Variants in AGBL4 observed in about 807,000 individuals in gnomAD.
AGBL4 encodes cytosolic carboxypeptidase 6.
A neutral mutation model predicts 66.4 loss-of-function variants in AGBL4; 58 were observed. The ratio of observed to expected loss-of-function variants is 0.87; its 90% CI spans 0.71 to 1.09. AGBL4 has a LOEUF of 1.09. AGBL4 is among the 50% of genes least tolerant of loss of function. The pLI, the probability that AGBL4 is intolerant of heterozygous loss-of-function variation, is 0.00. For missense variants in AGBL4, 579 were observed against 631.0 expected (o/e 0.92, Z 0.88); for synonymous variants, 234 against 222.9 (o/e 1.05, Z -0.44).
chr1:49,370,897 C>T (rs919300701), intron 3 of AGBL4, among the ~76,000 whole-genome samples: 1 of 152,162 alleles, frequency 6.6e-6, no homozygotes, highest in African/African-American at 2.4e-5. Flanking sequence ...AGTCAGTGAA[C>T]TTTGCGTAGA....
chr1:48,731,538 A>G (rs942208180), intron 6 of AGBL4, among the ~76,000 whole-genome samples: 9 of 152,172 alleles, frequency 5.9e-5, no homozygotes, highest in Non-Finnish European at 8.8e-5. Context: ...CACCCACCCC[A>G]AAAGGTCAGA....
chr1:49,710,977 T>C (rs918074241), intron 2 of AGBL4, among the ~76,000 whole-genome samples: 5 of 152,094 alleles, frequency 3.3e-5, no homozygotes, highest in African/African-American at 9.6e-5. Context: ...ATATAAAATG[T>C]TACTACACAT....
At chr1:49,243,348 G>A (rs1178764403) in intron 4 of AGBL4, among the ~76,000 whole-genome samples, 1 of 151,678 alleles carries the variant, frequency 6.6e-6, no homozygotes, top group African/African-American at 2.4e-5. Context: ...CCTAAATTGG[G>A]ATAGACTCCT....
At chr1:49,280,981 G>C (rs915490449) in intron 3 of AGBL4, among the ~76,000 whole-genome samples, 2 of 152,094 alleles carry the variant, frequency 1.3e-5, no homozygotes, top group African/African-American at 4.8e-5. Context: ...AGTTTATTTG[G>C]CTTTAAGTTA....
chr1:48,776,715 G>C (rs1297732695), intron 6 of AGBL4: 2 of 1,524,872 alleles, frequency 1.3e-6, no homozygotes, highest in East Asian at 2.7e-5. Flanking sequence ...CCCGGTACAC[G>C]GCGTACACCT....
At chr1:49,020,129 G>A (rs1039108170) in intron 5 of AGBL4, among the ~76,000 whole-genome samples, 3 of 152,098 alleles carry the variant, frequency 2.0e-5, no homozygotes, top group Non-Finnish European at 2.9e-5. Flanking sequence ...GGTGTATCTC[G>A]GATTCAAATG....
intron 3 of AGBL4, among the ~76,000 whole-genome samples, chr1:49,622,628 C>CAAAAAAAAAAAAA (rs71059557): frequency 4.6e-5 from 3 of 65,484 alleles, no homozygotes; most frequent in African/African-American, 6.2e-5. Flanking sequence ...GACTCCGTCT[C>CAAAAAAAAAAAAA]AAAAAAAAAA....
intron 5 of AGBL4, among the ~76,000 whole-genome samples, chr1:48,920,331 T>A (rs973771570): frequency 6.6e-6 from 1 of 152,200 alleles, no homozygotes; most frequent in Non-Finnish European, 1.5e-5. Context: ...CAGGATTTCA[T>A]TCTCTAATTT....
intron 6 of AGBL4, among the ~76,000 whole-genome samples, chr1:48,846,401 G>GAAAGAAAGA (rs1553243656): frequency 4.9e-4 from 74 of 150,798 alleles, no homozygotes; most frequent in Non-Finnish European, 9.2e-4. Context: ...AAGAAAGAAA[G>GAAAGAAAGA]AAAGAAAGAA....
chr1:49,946,445 G>A (rs1376843655), intron 1 of AGBL4, among the ~76,000 whole-genome samples: 2 of 151,994 alleles, frequency 1.3e-5, no homozygotes, highest in Non-Finnish European at 2.9e-5. Context: ...GAAATAACCT[G>A]CTCCTGAATG....
rs551973087 is a variant in AGBL4, at chr1:49,759,476, A to T, written c.158-62039T>A. Among the ~76,000 whole-genome samples, 12 of 152,324 alleles carry T rather than the reference A, an allele frequency of 7.9e-5. No homozygotes were observed. The East Asian group carries it at 2.3e-3, about 29-fold the overall frequency. ...AACAGAACCTGGTATCCTGCATAAG[A>T]CCCTGAGACAGAAAATGTCCATTAC... On this transcript the variant is annotated intron_variant, in intron 2 of 13. Transcript: ENST00000371839.
At chr1:49,946,984 C>T (rs923025559) in intron 1 of AGBL4, among the ~76,000 whole-genome samples, 5 of 151,704 alleles carry the variant, frequency 3.3e-5, no homozygotes, top group Non-Finnish European at 7.4e-5. Flanking sequence ...TGGAAAGATA[C>T]AACCCTCTTA....
chr1:48,720,150 G>A (rs1457796249), intron 6 of AGBL4, among the ~76,000 whole-genome samples: 1 of 151,802 alleles, frequency 6.6e-6, no homozygotes, highest in Admixed American at 6.6e-5. Context: ...TACTGGCCCT[G>A]GGGACTCAGA....
chr1:48,965,146 T>C (rs1282704539), intron 5 of AGBL4, among the ~76,000 whole-genome samples: 4 of 152,178 alleles, frequency 2.6e-5, no homozygotes, highest in African/African-American at 9.7e-5. Context: ...TCTCAGGTTC[T>C]AAGATATAAA....
At chr1:49,292,193 C>T (rs1364411817) in intron 3 of AGBL4, among the ~76,000 whole-genome samples, 1 of 152,220 alleles carries the variant, frequency 6.6e-6, no homozygotes. Flanking sequence ...CCCCTGCCAC[C>T]TCAGCCCACT....
chr1:48,552,368 A>G (rs900219274), intron 11 of AGBL4, among the ~76,000 whole-genome samples: 2 of 152,146 alleles, frequency 1.3e-5, no homozygotes, highest in Admixed American at 6.6e-5. Flanking sequence ...AGCCTCATTC[A>G]TTATTTATTA....
At position 48,673,144 on chromosome 1, in the gene AGBL4, T is replaced by C. The variant is rs188539792; in HGVS notation, c.635-9903A>G. ...AGAGATGTTATTCTGTTTGTACTTA[T>C]GTGCAGGCACCTGCACACATCTGCG... On this transcript the variant is annotated intron_variant, in intron 6 of 13. Coordinates refer to ENST00000371839, the MANE Select transcript of AGBL4 (RefSeq NM_032785.4). 1.6e-3 allele frequency among the ~76,000 whole-genome samples: 238 copies of C among 152,330 alleles called. 1 individual carries two copies. The highest frequency in any genetic ancestry group is 5.0e-3 in the African/African-American group (206 of 41,576).
intron 2 of AGBL4, among the ~76,000 whole-genome samples, chr1:49,712,499 C>T (rs1485310974): frequency 1.3e-5 from 2 of 151,426 alleles, no homozygotes; most frequent in Non-Finnish European, 3.0e-5. Context: ...TAAAAAGTTG[C>T]AGTTATGTAG....
At chr1:48,862,145 G>A (rs1328998772) in intron 6 of AGBL4, among the ~76,000 whole-genome samples, 2 of 152,024 alleles carry the variant, frequency 1.3e-5, no homozygotes, top group Non-Finnish European at 2.9e-5. Context: ...TCTCCCACCT[G>A]GGGAGTTTTC....
Sources: allele counts gnomAD v4.1 joint callset (sites outside exome capture counted in the v4.1 genomes callset), GRCh38; gene constraint gnomAD v4.1.1; transcripts MANE v1.5; gene names NCBI Gene and HGNC (gene_info 2026-07-23, HGNC 2026-07-21).